Variants in ANKS1A observed in about 807,000 individuals in gnomAD.
The protein encoded by ANKS1A is ankyrin repeat and sterile alpha motif domain containing 1A, also known as ankyrin repeat and SAM domain-containing protein 1A.
Under a neutral mutation model 120.3 loss-of-function variants are expected in ANKS1A, and 55 were observed. The ratio of observed to expected loss-of-function variants is 0.46; its 90% CI spans 0.37 to 0.57. The LOEUF (loss-of-function observed/expected upper bound fraction) is 0.57, where lower values mean the gene tolerates loss of function less well. Ranked by LOEUF, ANKS1A falls within the 20% of genes least tolerant of loss-of-function variation. The pLI, the probability that ANKS1A is intolerant of heterozygous loss-of-function variation, is 0.00. For synonymous variants in ANKS1A, 590 were observed against 604.7 expected (o/e 0.98, Z 0.36); for missense variants, 1,123 against 1,480.3 (o/e 0.76, Z 3.96).
chr6:34,901,165 T>C (rs1488637097), intron 1 of ANKS1A, among the ~76,000 whole-genome samples: 2 of 151,224 alleles, frequency 1.3e-5, no homozygotes, highest in Admixed American at 1.3e-4. Context: ...GAAGTGAATC[T>C]AAACAATTGG....
intron 13 of ANKS1A, among the ~76,000 whole-genome samples, chr6:35,068,711 C>T (rs1776918902): frequency 6.6e-6 from 1 of 152,206 alleles, no homozygotes. Context: ...CAGGGAGAAG[C>T]ACCTTGTAAG....
At chr6:34,976,766 C>G (rs529272382) in intron 3 of ANKS1A, among the ~76,000 whole-genome samples, 123 of 107,910 alleles carry the variant, frequency 1.1e-3, no homozygotes, top group Middle Eastern at 8.5e-3. Flanking sequence ...TTTTCTCTTT[C>G]TGTGTGTGTG....
chr6:34,913,093 G>A (rs1335018983), intron 1 of ANKS1A, among the ~76,000 whole-genome samples: 1 of 152,174 alleles, frequency 6.6e-6, no homozygotes, highest in Non-Finnish European at 1.5e-5. Flanking sequence ...ACAGAAAGAT[G>A]ATCAAATATC....
At chr6:35,062,430 C>T (rs959642490) in intron 13 of ANKS1A, among the ~76,000 whole-genome samples, 1 of 152,218 alleles carries the variant, frequency 6.6e-6, no homozygotes, top group African/African-American at 2.4e-5. Flanking sequence ...TCCCTCATTG[C>T]ATGTGGATAA....
At chr6:34,991,541 TACACACACAC>T (rs149416311) in intron 9 of ANKS1A, among the ~76,000 whole-genome samples, 15,814 of 138,428 alleles carry the variant, frequency 0.11, 1,622 homozygotes, top group African/African-American at 0.24. Context: ...AAAAAATATA[TACACACACAC>T]ACACACACAC....
At chr6:35,078,972 C>G (rs1156508192) in intron 14 of ANKS1A, among the ~76,000 whole-genome samples, 1 of 152,172 alleles carries the variant, frequency 6.6e-6, no homozygotes, top group Non-Finnish European at 1.5e-5. Flanking sequence ...CCCAGAGCCC[C>G]CTTCATGGTC....
intron 8 of ANKS1A, among the ~76,000 whole-genome samples, chr6:34,988,034 G>A (rs765419439): frequency 8.5e-5 from 13 of 152,204 alleles, no homozygotes; most frequent in Non-Finnish European, 1.8e-4. Flanking sequence ...TCCTTCATCA[G>A]GATCATCCTG....
chr6:34,939,293 A>G (rs1037681493), intron 1 of ANKS1A, among the ~76,000 whole-genome samples: 3 of 152,144 alleles, frequency 2.0e-5, no homozygotes, highest in African/African-American at 4.8e-5. Context: ...GGACAGGGCA[A>G]TGGAACCCCT....
intron 13 of ANKS1A, among the ~76,000 whole-genome samples, chr6:35,074,035 C>T (rs1474735863): frequency 6.6e-6 from 1 of 152,268 alleles, no homozygotes; most frequent in Non-Finnish European, 1.5e-5. Flanking sequence ...CCATTCATCT[C>T]TTGTTCCTCA....
At chr6:34,949,207 T>G (rs1339949745) in intron 1 of ANKS1A, among the ~76,000 whole-genome samples, 1 of 152,194 alleles carries the variant, frequency 6.6e-6, no homozygotes, top group African/African-American at 2.4e-5. Context: ...CTTTGAAGAA[T>G]GCTTGAGATT....
At chr6:34,986,939 T>C (rs1181873025) in intron 8 of ANKS1A, among the ~76,000 whole-genome samples, 2 of 152,222 alleles carry the variant, frequency 1.3e-5, no homozygotes, top group African/African-American at 4.8e-5. Flanking sequence ...GTGATGCCCA[T>C]TAGGGGGCGC....
intron 9 of ANKS1A, among the ~76,000 whole-genome samples, chr6:34,993,092 A>C (rs1250897808): frequency 6.6e-6 from 1 of 152,182 alleles, no homozygotes; most frequent in African/African-American, 2.4e-5. Context: ...GTAATACGTT[A>C]CTTGTCCTAG....
chr6:34,921,843 ACACCGCCATG>A (rs1768447832), intron 1 of ANKS1A, among the ~76,000 whole-genome samples: 1 of 152,122 alleles, frequency 6.6e-6, no homozygotes, highest in Admixed American at 6.5e-5. Context: ...ACTGAGGTGC[ACACCGCCATG>A]CCCAGCTAAC....
chr6:34,997,969 A>G (rs1184102538), intron 10 of ANKS1A, among the ~76,000 whole-genome samples: 2 of 152,222 alleles, frequency 1.3e-5, no homozygotes, highest in Non-Finnish European at 2.9e-5. Flanking sequence ...AGTGGGTGGT[A>G]TAGAAGCAGA....
At chr6:34,958,974 G>A (rs570607184) in intron 1 of ANKS1A, among the ~76,000 whole-genome samples, 10 of 152,280 alleles carry the variant, frequency 6.6e-5, no homozygotes, top group East Asian at 1.9e-4. Flanking sequence ...ACTGTCCAGC[G>A]CTGTGGCATC....
chr6:34,890,506 A>T (rs1436284723), intron 1 of ANKS1A, among the ~76,000 whole-genome samples: 1 of 152,138 alleles, frequency 6.6e-6, no homozygotes, highest in Non-Finnish European at 1.5e-5. Flanking sequence ...ACCTCATTGG[A>T]TTAGTCTAAG....
At chr6:35,035,051 A>G (rs10498735) in intron 11 of ANKS1A, among the ~76,000 whole-genome samples, 2,814 of 152,352 alleles carry the variant, frequency 0.018, 87 homozygotes, top group African/African-American at 0.06. Flanking sequence ...CCTGAGTAAC[A>G]GGAAGAAAGG....
chr6:35,097,632 C>CAA, the ANKS1A span, among the ~76,000 whole-genome samples: 26,195 of 101,786 alleles, frequency 0.26, 2,930 homozygotes, highest in African/African-American at 0.39. Flanking sequence ...CAGAAAAAGC[C>CAA]AAAAGAAAAA....
chr6:34,904,264 A>G (rs1581670669), intron 1 of ANKS1A, among the ~76,000 whole-genome samples: 1 of 152,234 alleles, frequency 6.6e-6, no homozygotes, highest in African/African-American at 2.4e-5. Flanking sequence ...TTTTTAGGGA[A>G]CAATGAGACA....
Sources: allele counts gnomAD v4.1 joint callset (sites outside exome capture counted in the v4.1 genomes callset), GRCh38; gene constraint gnomAD v4.1.1; transcripts MANE v1.5; gene names NCBI Gene and HGNC (gene_info 2026-07-23, HGNC 2026-07-21).